Variants in PLCXD3 observed in about 807,000 individuals in gnomAD.
The protein encoded by PLCXD3 is PI-PLC X domain-containing protein 3.
A neutral mutation model predicts 25.5 loss-of-function variants in PLCXD3; 19 were observed. The ratio of observed to expected loss-of-function variants is 0.75; its 90% CI spans 0.52 to 1.09. The LOEUF is 1.09. PLCXD3 is among the 50% of genes least tolerant of loss of function. The pLI is 0.00. For synonymous variants in PLCXD3, 174 were observed against 137.6 expected, an observed-to-expected ratio of 1.26 and a Z score of -1.85; for missense variants, 411 against 388.1, an observed-to-expected ratio of 1.06 and a Z score of -0.50.
intron 1 of PLCXD3, among the ~76,000 whole-genome samples, chr5:41,423,098 T>A (rs1746867886): frequency 6.6e-6 from 1 of 152,158 alleles, no homozygotes; most frequent in Non-Finnish European, 1.5e-5. Context: ...TTTTTATCTG[T>A]TAATATGGTA....
intron 1 of PLCXD3, among the ~76,000 whole-genome samples, chr5:41,399,139 A>C (rs757314192): frequency 3.9e-5 from 6 of 152,188 alleles, no homozygotes; most frequent in African/African-American, 1.4e-4. Flanking sequence ...TAGCTTAACC[A>C]AAGAAGTGAA....
chr5:41,510,427 G>A lies in PLCXD3; in HGVS notation c.100C>T (p.Pro34Ser), dbSNP rs1580409752. 6.2e-7 allele frequency: 1 copy of A among 1,607,990 alleles called. No individual in the cohort carries two copies. ...CCCGCAGCCCCTGCGCGCCTACCTGGAATGGCTAAATTGGTGAGGGGGATG... is the reference window on the plus strand; with the variant it reads ...CCCGCAGCCCCTGCGCGCCTACCTGAAATGGCTAAATTGGTGAGGGGGATG... ...HSIPLTNLAI[P>S]GSHDSFSFYI... Residue 34 changes from proline (P) to serine (S), a missense_variant, in exon 1 of 3, where the codon CCA becomes TCA. Pro to Ser is a moderately conservative substitution (Grantham distance 74). Transcript: ENST00000377801.
intron 1 of PLCXD3, among the ~76,000 whole-genome samples, chr5:41,459,553 G>A (rs1554051265): frequency 6.6e-6 from 1 of 151,668 alleles, no homozygotes; most frequent in Non-Finnish European, 1.5e-5. Context: ...AGTCCCTTTA[G>A]GATATCAATA....
At chr5:41,468,072 C>T (rs1388792136) in intron 1 of PLCXD3, among the ~76,000 whole-genome samples, 4 of 113,864 alleles carry the variant, frequency 3.5e-5, no homozygotes, top group African/African-American at 1.4e-4. Context: ...GGCTGGAGTG[C>T]AATTGCATGA....
At chr5:41,384,817 G>A (rs1745586006) in intron 1 of PLCXD3, among the ~76,000 whole-genome samples, 1 of 151,960 alleles carries the variant, frequency 6.6e-6, no homozygotes, top group African/African-American at 2.4e-5. Context: ...CAAAATAAGG[G>A]AATGTTAAAA....
Position 41,435,869 on chromosome 5 carries a change from T to C in PLCXD3, c.104-53335A>G, listed in dbSNP as rs114342710. On this transcript the variant is annotated intron_variant, in intron 1 of 2. Coordinates refer to ENST00000377801, the MANE Select transcript of PLCXD3 (RefSeq NM_001005473.3). ...CCCGTAAAGAAACAGGGCCCACCAT[T>C]CAGCATCATTTGAGATAGAAACCTC... Among the ~76,000 whole-genome samples, 236 of 152,334 alleles carry C rather than the reference T, an allele frequency of 1.5e-3. 1 individual carries two copies. Among genetic ancestry groups the C allele is most frequent in the South Asian group, 3.5e-3 (17 of 4,830 alleles).
chr5:41,419,787 A>G (rs1682130143), intron 1 of PLCXD3, among the ~76,000 whole-genome samples: 1 of 152,212 alleles, frequency 6.6e-6, no homozygotes, highest in Non-Finnish European at 1.5e-5. Flanking sequence ...AAATAGGGAA[A>G]AGACCATAGA....
chr5:41,422,292 A>C (rs1374909922), intron 1 of PLCXD3, among the ~76,000 whole-genome samples: 1 of 152,218 alleles, frequency 6.6e-6, no homozygotes, highest in Non-Finnish European at 1.5e-5. Context: ...AACATGACTG[A>C]AATCTCCTTG....
In PLCXD3 at chr5:41,507,435, A is replaced by G. The variant is rs182791258; in HGVS notation, c.103+2989T>C. ...AATTGAAAGTGAAATACTAATACCA[A>G]TTACTAACTTAATTCCTCAGCCCAG... On this transcript the variant is annotated intron_variant, in intron 1 of 2. Transcript: ENST00000377801. Among the ~76,000 whole-genome samples the G allele has an allele frequency of 5.7e-3, 875 of 152,336 alleles. 7 individuals are homozygous for G. Among genetic ancestry groups the G allele is most frequent in the Non-Finnish European group, 7.8e-3 (531 of 68,026 alleles).
At chr5:41,459,247 G>T (rs1747821392) in intron 1 of PLCXD3, among the ~76,000 whole-genome samples, 2 of 151,782 alleles carry the variant, frequency 1.3e-5, no homozygotes, top group African/African-American at 4.8e-5. Context: ...TTCATATTTT[G>T]ATTCTTCCTA....
intron 1 of PLCXD3, among the ~76,000 whole-genome samples, chr5:41,484,501 A>G (rs1250785695): frequency 6.6e-6 from 1 of 152,174 alleles, no homozygotes; most frequent in East Asian, 1.9e-4. Context: ...GCCAAATATT[A>G]CTGTATGCCC....
intron 1 of PLCXD3, among the ~76,000 whole-genome samples, chr5:41,397,016 A>T (rs1746027583): frequency 6.6e-6 from 1 of 152,240 alleles, no homozygotes; most frequent in Non-Finnish European, 1.5e-5. Flanking sequence ...AGGAATGCAG[A>T]TCATAAAAGT....
intron 1 of PLCXD3, among the ~76,000 whole-genome samples, chr5:41,466,573 G>C (rs1168460817): frequency 2.0e-5 from 3 of 151,940 alleles, no homozygotes; most frequent in Non-Finnish European, 2.9e-5. Flanking sequence ...TTTATTCTTA[G>C]TCATTCTGAA....
At chr5:41,404,504 A>C (rs983293229) in intron 1 of PLCXD3, among the ~76,000 whole-genome samples, 2 of 152,162 alleles carry the variant, frequency 1.3e-5, no homozygotes, top group Non-Finnish European at 2.9e-5. Context: ...TGCAGAATTT[A>C]GGTTTGTAAA....
At chr5:41,342,795 T>C (rs1300413399) in intron 2 of PLCXD3, among the ~76,000 whole-genome samples, 1 of 152,154 alleles carries the variant, frequency 6.6e-6, no homozygotes, top group African/African-American at 2.4e-5. Context: ...TTAAAAACTA[T>C]AAGAATTTAT....
At chr5:41,435,374 T>C (rs1297799058) in intron 1 of PLCXD3, among the ~76,000 whole-genome samples, 1 of 152,160 alleles carries the variant, frequency 6.6e-6, no homozygotes, top group Non-Finnish European at 1.5e-5. Flanking sequence ...ACTCAGAGTA[T>C]GCAAAAAAAA....
intron 1 of PLCXD3, among the ~76,000 whole-genome samples, chr5:41,461,310 T>TTTTC (rs1378947709): frequency 2.6e-5 from 4 of 152,000 alleles, no homozygotes; most frequent in African/African-American, 9.7e-5. Flanking sequence ...CTGAAACATT[T>TTTTC]TTTCTTTCTT....
chr5:41,314,935 T>C (rs770358513), intron 2 of PLCXD3, among the ~76,000 whole-genome samples: 2 of 152,180 alleles, frequency 1.3e-5, no homozygotes, highest in Non-Finnish European at 2.9e-5. Flanking sequence ...GAAAGTCTTC[T>C]GAAAACCTTT....
chr5:41,491,889 A>C (rs1748706276), intron 1 of PLCXD3, among the ~76,000 whole-genome samples: 1 of 152,060 alleles, frequency 6.6e-6, no homozygotes, highest in South Asian at 2.1e-4. Flanking sequence ...TCTTTATCGC[A>C]TTTGCCAGTC....
Sources: allele counts gnomAD v4.1 joint callset (sites outside exome capture counted in the v4.1 genomes callset), GRCh38; gene constraint gnomAD v4.1.1; transcripts MANE v1.5; gene names NCBI Gene and HGNC (gene_info 2026-07-23, HGNC 2026-07-21).